The following FBN1 variants were observed in gnomAD, a reference collection of about 807,000 sequenced individuals.
FBN1 encodes the protein fibrillin 1, also known as fibrillin-1.
Under a neutral mutation model 365.1 loss-of-function variants are expected in FBN1, and 29 were observed. That is an observed-to-expected ratio of 0.08 (90% CI 0.06 to 0.11). The LOEUF (loss-of-function observed/expected upper bound fraction) is 0.11, where lower values mean the gene tolerates loss of function less well. FBN1 is among the 10% of genes least tolerant of loss of function. The pLI, the probability that FBN1 is intolerant of heterozygous loss-of-function variation, is 1.00. For synonymous variants in FBN1, 1,210 were observed against 1,270.5 expected (o/e 0.95, Z 1.01); for missense variants, 2,476 against 3,703.2 (o/e 0.67, Z 8.60).
rs536021705 is a variant in FBN1, at chr15:48,494,395, C to T, written c.2678-141G>A. 7 of 701,890 alleles carry T rather than the reference C, an allele frequency of 1.0e-5. No homozygotes were observed. In the East Asian group the frequency reaches 1.3e-4, roughly 13 times the overall value. 43.5% of individuals were successfully genotyped at this position (701,890 alleles called of 1,614,324 possible). Reference sequence around the variant, plus strand: ...TTGTGTTGCTATAAGTATGAGATAACAAAATGTTTCTGCGATTGCATAGGT... The same window carrying T: ...TTGTGTTGCTATAAGTATGAGATAATAAAATGTTTCTGCGATTGCATAGGT... On this transcript the variant is annotated intron_variant, in intron 22 of 65. Transcript: ENST00000316623.
intron 15 of FBN1, among the ~76,000 whole-genome samples, chr15:48,506,986 T>C (rs1371460128): frequency 6.6e-6 from 1 of 152,056 alleles, no homozygotes; most frequent in Non-Finnish European, 1.5e-5. Context: ...ATCCATATCA[T>C]CAGCACTTTC....
chr15:48,506,239 A>G (rs2043706563), intron 15 of FBN1, among the ~76,000 whole-genome samples: 1 of 152,204 alleles, frequency 6.6e-6, no homozygotes, highest in Non-Finnish European at 1.5e-5. Flanking sequence ...AAAAAAAAAG[A>G]AAAAGAAAAA....
At chr15:48,634,219 A>T (rs541277134) in intron 2 of FBN1, among the ~76,000 whole-genome samples, 10 of 152,302 alleles carry the variant, frequency 6.6e-5, no homozygotes, top group Admixed American at 5.9e-4. Flanking sequence ...AAGAAGCAGG[A>T]TGCATCAAAC....
intron 8 of FBN1, among the ~76,000 whole-genome samples, chr15:48,528,459 C>T (rs528109290): frequency 6.6e-6 from 1 of 152,304 alleles, no homozygotes; most frequent in East Asian, 1.9e-4. Flanking sequence ...GGACTGTGGG[C>T]CTGATTCTAT....
At chr15:48,631,131 C>T (rs544022521) in intron 2 of FBN1, among the ~76,000 whole-genome samples, 1 of 151,882 alleles carries the variant, frequency 6.6e-6, no homozygotes, top group Admixed American at 6.6e-5. Context: ...AAGACCTCTC[C>T]GAAAGTCAAC....
At chr15:48,501,146 C>T (rs74011824) in intron 17 of FBN1, among the ~76,000 whole-genome samples, 1,888 of 152,258 alleles carry the variant, frequency 0.012, 41 homozygotes, top group African/African-American at 0.044. Flanking sequence ...TTTACTGTTG[C>T]TTTGGTTTGA....
chr15:48,644,811 C>G lies in FBN1; in HGVS notation c.-42G>C. The stretch of plus-strand genomic sequence containing the variant: ...CGGCTCCCGCCGCCTCTTGCCGCGC[C>G]CGGGGCTCGGTCTGCGGCCGCCGCT... On this transcript the variant is annotated 5_prime_UTR_variant, in exon 2 of 66. Coordinates refer to ENST00000316623, the MANE Select transcript of FBN1 (RefSeq NM_000138.5). 6.3e-7 allele frequency: 1 copy of G among 1,587,982 alleles called. No individual in the cohort carries two copies. The highest frequency in any genetic ancestry group is 8.5e-7 in the Non-Finnish European group (1 of 1,171,752).
At chr15:48,478,084 C>G (rs906002997) in intron 32 of FBN1, among the ~76,000 whole-genome samples, 5 of 152,188 alleles carry the variant, frequency 3.3e-5, no homozygotes, top group Admixed American at 1.3e-4. Context: ...TCTCCTGGAT[C>G]CTAACCTGGC....
rs61746008 is a variant in FBN1 at position 48,412,619 on chromosome 15, G to A, written c.8176C>T (p.Arg2726Trp). 7.6e-4 allele frequency: 1,221 copies of A among 1,614,164 alleles called. 2 individuals carry two copies. Among genetic ancestry groups the A allele is most frequent in the Admixed American group, 1.8e-3 (106 of 60,022 alleles). Residue 2726 changes from arginine to tryptophan, a missense_variant, in exon 65 of 66, where the codon CGG becomes TGG. By Grantham distance (101) the Arg-to-Trp change is moderately radical (BLOSUM62 -3). Coordinates refer to ENST00000316623, the MANE Select transcript of FBN1 (RefSeq NM_000138.5). ...YECKINGYPK[R>W]GRKRRSTNET... The stretch of plus-strand genomic sequence containing the variant: ...TTTGTGCTTCTCCGTTTCCTGCCCC[G>A]TTTGGGGTAGCCATTGATCTTACAC...
intron 6 of FBN1, among the ~76,000 whole-genome samples, chr15:48,587,862 T>C (rs886796475): frequency 2.2e-4 from 33 of 152,292 alleles, no homozygotes; most frequent in African/African-American, 7.9e-4. Flanking sequence ...TTATCACTTA[T>C]ATTTGATCAA....
rs539635913 is a variant in FBN1 at position 48,439,754 on chromosome 15, GA to G, written c.6164-1838del. ...TATCTCCCCCACACCACTCCACCCC[GA>G]AAAAAAAAAATCTTGGCATTAGACA... On this transcript the variant is annotated intron_variant, in intron 50 of 65. Coordinates refer to ENST00000316623, the MANE Select transcript of FBN1 (RefSeq NM_000138.5). Among the ~76,000 whole-genome samples, 365 of 147,216 alleles carry G rather than the reference GA, an allele frequency of 2.5e-3. 1 individual carries two copies. Among genetic ancestry groups the G allele is most frequent in the African/African-American group, 8.2e-3 (332 of 40,304 alleles).
At chr15:48,496,061 T>C (rs767743896) in intron 20 of FBN1, 39 bp downstream of exon 20, 5 of 1,612,738 alleles carry the variant, frequency 3.1e-6, no homozygotes, top group Admixed American at 1.7e-5. Flanking sequence ...TTCCAAAAGA[T>C]AGCAAAGTAC....
chr15:48,448,786 C>A lies in FBN1; in HGVS notation c.5653G>T (p.Asp1885Tyr). 6.2e-7 allele frequency: 1 copy of A among 1,612,818 alleles called. No homozygotes were observed. The highest frequency in any genetic ancestry group is 1.1e-5 in the South Asian group (1 of 91,024). ...TACTTACCCAAGCACATGGTTTGGT[C>A]ATCATTTGTTTTAAAACCAGTGTGG... ...LCHTGFKTND[D>Y]QTMCLDINEC... is the part of the protein sequence containing the mutation. The change falls in exon 46 of 66, where the codon GAC becomes TAC. Residue 1885 changes from aspartate (D) to tyrosine (Y), a missense_variant. By Grantham distance (160) the Asp-to-Tyr change is radical (BLOSUM62 -3). Around this residue, in one of 5 missense-constraint regions of FBN1, gnomAD observed 1,780 missense variants for 2,840.8 expected, o/e 0.63. Transcript: ENST00000316623.
chr15:48,616,187 T>C lies in FBN1; in HGVS notation c.165-3095A>G, dbSNP rs1488329092. Among the ~76,000 whole-genome samples the C allele has an allele frequency of 2.6e-5, 4 of 152,252 alleles. No individual in the cohort carries two copies. The East Asian group carries it at 5.8e-4, about 22-fold the overall frequency. On this transcript the variant is annotated intron_variant, in intron 2 of 65. Transcript: ENST00000316623. ...TCTTTATAATTTTGGGTTGGACTTA[T>C]TTTATTTGCATCCTCTGACTTTCTA...
At chr15:48,442,830 G>GTA (rs1214739494) in intron 49 of FBN1, among the ~76,000 whole-genome samples, 1 of 152,136 alleles carries the variant, frequency 6.6e-6, no homozygotes, top group Non-Finnish European at 1.5e-5. Context: ...GAACAAAGTG[G>GTA]TAAGTCTTAA....
chr15:48,491,971 C>T (rs1279798642), intron 24 of FBN1, among the ~76,000 whole-genome samples: 1 of 152,148 alleles, frequency 6.6e-6, no homozygotes, highest in Non-Finnish European at 1.5e-5. Context: ...GCAGTTGGCA[C>T]AGAATATCCC....
chr15:48,512,693 C>A (rs1315165274), intron 13 of FBN1, among the ~76,000 whole-genome samples: 2 of 152,076 alleles, frequency 1.3e-5, no homozygotes, highest in African/African-American at 4.8e-5. Context: ...CCATGGTGTA[C>A]ATGTACTACA....
At chr15:48,610,466 C>T (rs1052681450) in intron 4 of FBN1, among the ~76,000 whole-genome samples, 1 of 152,054 alleles carries the variant, frequency 6.6e-6, no homozygotes, top group Admixed American at 6.6e-5. Context: ...ATGAATAAGG[C>T]GATACCTACA....
chr15:48,509,945 G>C, intron 14 of FBN1, 99 bp downstream of exon 14: 1 of 1,255,298 alleles, frequency 8.0e-7, no homozygotes, highest in Non-Finnish European at 1.2e-6. Flanking sequence ...AAACATATTT[G>C]ATACTTTGAC....
Sources: allele counts gnomAD v4.1 joint callset (sites outside exome capture counted in the v4.1 genomes callset), GRCh38; gene constraint gnomAD v4.1.1; regional missense constraint gnomAD v4.1.1; transcripts MANE v1.5; gene names NCBI Gene and HGNC (gene_info 2026-07-23, HGNC 2026-07-21).